The following TANC2 variants were observed in gnomAD, a reference collection of about 807,000 sequenced individuals.
TANC2 encodes the protein tetratricopeptide repeat, ankyrin repeat and coiled-coil containing 2, also known as protein TANC2.
In TANC2, 26 loss-of-function variants were observed where a neutral mutation model predicts 210.5. The ratio of observed to expected loss-of-function variants is 0.12; its 90% CI spans 0.09 to 0.17. The LOEUF is 0.17. Ranked by LOEUF, TANC2 falls within the 10% of genes least tolerant of loss-of-function variation. The pLI is 1.00. For missense variants in TANC2, 2,129 were observed against 2,608.9 expected (o/e 0.82, Z 4.01); for synonymous variants, 931 against 967.1 (o/e 0.96, Z 0.69).
intron 4 of TANC2, chr17:63,125,219 G>A (rs1264535593): frequency 6.6e-6 from 1 of 152,134 alleles, no homozygotes; most frequent in Non-Finnish European, 1.5e-5. Context: ...TGTGAAATGA[G>A]TATAACAACT....
At chr17:63,291,574 T>A (rs1294855275) in intron 9 of TANC2, among the ~76,000 whole-genome samples, 1 of 152,102 alleles carries the variant, frequency 6.6e-6, no homozygotes, top group Non-Finnish European at 1.5e-5. Context: ...GACATCATCA[T>A]GTCAGATACA....
intron 4 of TANC2, among the ~76,000 whole-genome samples, chr17:63,116,669 A>G (rs532223762): frequency 1.2e-4 from 18 of 152,318 alleles, no homozygotes; most frequent in Non-Finnish European, 2.4e-4. Context: ...TTATTAGTCA[A>G]TCAGTTGATA....
In TANC2 at chr17:63,249,758, C is replaced by T. The variant is rs2043006635; in HGVS notation, c.1033+11681C>T. ...CAGTCAGAACGTTGGCTTTATGTAT[C>T]AAGGGTATAAGGACAGCAGAATGGC... On this transcript the variant is annotated intron_variant, in intron 8 of 27. Transcript: ENST00000689528. Among the ~76,000 whole-genome samples, 6 of 152,240 alleles carry T rather than the reference C, an allele frequency of 3.9e-5. No individual in the cohort carries two copies. The South Asian group carries it at 1.2e-3, about 32-fold the overall frequency.
chr17:63,304,626 G>A (rs1321182750), intron 9 of TANC2, among the ~76,000 whole-genome samples: 2 of 152,192 alleles, frequency 1.3e-5, no homozygotes, highest in Non-Finnish European at 2.9e-5. Context: ...GGACGGGGGT[G>A]CTTTGCTGGG....
intron 1 of TANC2, among the ~76,000 whole-genome samples, chr17:62,992,026 T>C (rs905959597): frequency 6.6e-6 from 1 of 152,208 alleles, no homozygotes; most frequent in African/African-American, 2.4e-5. Flanking sequence ...AATGCAAATA[T>C]AGATACGTAT....
At position 63,418,724 on chromosome 17, in the gene TANC2, C is replaced by T. The variant is rs753783100; in HGVS notation, c.4268+317C>T. On this transcript the variant is annotated intron_variant, in intron 27 of 27. Coordinates refer to ENST00000689528, the Ensembl canonical transcript of TANC2. The surrounding 1 kb of genome is among the most constrained non-coding windows in gnomAD (Gnocchi z 4.6). ...CAGAGCAGCTAGCACAAAGAGACAA[C>T]GGCGACTTAAAGAAATCACTTAAGC... 5.9e-5 allele frequency among the ~76,000 whole-genome samples: 9 copies of T among 152,226 alleles called. No individual in the cohort carries two copies. Among genetic ancestry groups the T allele is most frequent in the Non-Finnish European group, 1.2e-4 (8 of 68,036 alleles).
chr17:63,260,065 G>T (rs1487376707), intron 8 of TANC2, among the ~76,000 whole-genome samples: 6 of 152,182 alleles, frequency 3.9e-5, no homozygotes, highest in Non-Finnish European at 8.8e-5. Flanking sequence ...TTAAAAGAAA[G>T]TGGCGAAGAT....
intron 4 of TANC2, among the ~76,000 whole-genome samples, chr17:63,123,491 G>A (rs1452013285): frequency 6.6e-5 from 10 of 150,864 alleles, no homozygotes; most frequent in African/African-American, 4.9e-5. Context: ...CCCGGGAGGC[G>A]GAGCTTGCAG....
chr17:63,090,478 A>G (rs1027359933), intron 3 of TANC2, among the ~76,000 whole-genome samples: 4 of 151,888 alleles, frequency 2.6e-5, no homozygotes, highest in Non-Finnish European at 5.9e-5. Context: ...TGTCCTTGCA[A>G]TAGTTTGCTC....
At chr17:63,230,606 T>TA (rs1473860402) in intron 7 of TANC2, among the ~76,000 whole-genome samples, 3 of 152,192 alleles carry the variant, frequency 2.0e-5, no homozygotes, top group East Asian at 1.9e-4. Flanking sequence ...GTGAGTTTCT[T>TA]AATCTTGAGT....
intron 11 of TANC2, among the ~76,000 whole-genome samples, chr17:63,322,553 T>C (rs949084548): frequency 6.6e-6 from 1 of 152,194 alleles, no homozygotes; most frequent in African/African-American, 2.4e-5. Flanking sequence ...TTAAAGTGCT[T>C]CCAGCACTTC....
chr17:63,092,725 T>C (rs2037245582), intron 3 of TANC2, among the ~76,000 whole-genome samples: 1 of 151,992 alleles, frequency 6.6e-6, no homozygotes. Flanking sequence ...CCATATCTCA[T>C]GAGAACTCAC....
chr17:63,308,281 A>G (rs1205856600), intron 9 of TANC2, among the ~76,000 whole-genome samples: 1 of 152,030 alleles, frequency 6.6e-6, no homozygotes, highest in East Asian at 1.9e-4. Flanking sequence ...TCCGCTCCCT[A>G]TCCCTCTACA....
At chr17:62,990,478 T>C (rs750254148) in intron 1 of TANC2, among the ~76,000 whole-genome samples, 1 of 151,724 alleles carries the variant, frequency 6.6e-6, no homozygotes, top group Non-Finnish European at 1.5e-5. Flanking sequence ...AGAGATCAGC[T>C]CTCCCTATGT....
At chr17:63,364,787 T>TA (rs948340292) in intron 14 of TANC2, among the ~76,000 whole-genome samples, 173 of 142,292 alleles carry the variant, frequency 1.2e-3, no homozygotes, top group South Asian at 4.3e-3. Context: ...CCCTGACTCT[T>TA]AAAAAAAAAA....
chr17:63,114,551 G>A (rs925819194), intron 4 of TANC2, among the ~76,000 whole-genome samples: 1 of 152,122 alleles, frequency 6.6e-6, no homozygotes, highest in African/African-American at 2.4e-5. Flanking sequence ...ACACAACCCC[G>A]CGTAGAAAGT....
chr17:63,052,888 AT>A (rs2035631743), intron 2 of TANC2, among the ~76,000 whole-genome samples: 1 of 152,332 alleles, frequency 6.6e-6, no homozygotes, highest in Admixed American at 6.5e-5. Context: ...AATTTCAAAT[AT>A]TTTTTGAGTC....
At chr17:63,403,915 A>G (rs577706576) in intron 19 of TANC2, among the ~76,000 whole-genome samples, 1 of 152,382 alleles carries the variant, frequency 6.6e-6, no homozygotes, top group African/African-American at 2.4e-5. Flanking sequence ...ACAAAATGCC[A>G]TAATTTGCAC....
In TANC2 at chr17:62,966,427, C is replaced by T. The variant is rs1410805323; in HGVS notation, c.-346C>T. Among the ~76,000 whole-genome samples, 1 of 148,042 alleles carries T rather than the reference C, an allele frequency of 6.8e-6. No individual in the cohort carries two copies. The highest frequency in any genetic ancestry group is 1.5e-5 in the Non-Finnish European group (1 of 66,374). On this transcript the variant is annotated 5_prime_UTR_variant, in exon 1 of 28. Transcript: ENST00000689528. This position sits in a 1 kb window ranked among gnomAD's most constrained non-coding sequence, Gnocchi z 5.1. ...CCTCCGCGCCTCCTTCGGGCGGCCC[C>T]GCCCCCATTCCCATCCCCCTCGCGC...
Sources: allele counts gnomAD v4.1 joint callset (sites outside exome capture counted in the v4.1 genomes callset), GRCh38; gene constraint gnomAD v4.1.1; non-coding constraint Gnocchi (gnomAD v3.1); transcripts MANE v1.5; gene names NCBI Gene and HGNC (gene_info 2026-07-23, HGNC 2026-07-21).